SYNRG: variants seen among roughly 807,000 people sequenced by gnomAD.
SYNRG encodes the protein synergin gamma.
In SYNRG, 37 loss-of-function variants were observed where a neutral mutation model predicts 130.9. The ratio of observed to expected loss-of-function variants is 0.28; its 90% CI spans 0.22 to 0.37. The LOEUF is 0.37. SYNRG is among the 10% of genes least tolerant of loss of function. The pLI is 1.00. For missense variants in SYNRG, 1,338 were observed against 1,588.9 expected, an observed-to-expected ratio of 0.84 and a Z score of 2.68; for synonymous variants, 539 against 568.1, an observed-to-expected ratio of 0.95 and a Z score of 0.73.
chr17:37,566,402 A>G (rs2145853883), intron 11 of SYNRG, among the ~76,000 whole-genome samples: 1 of 146,832 alleles, frequency 6.8e-6, no homozygotes, highest in Middle Eastern at 3.5e-3. Context: ...AGGGCGGTGC[A>G]AGATGTGCTT....
At chr17:37,544,271 T>C (rs2058056430) in intron 14 of SYNRG, among the ~76,000 whole-genome samples, 1 of 141,888 alleles carries the variant, frequency 7.0e-6, no homozygotes, top group African/African-American at 2.5e-5. Context: ...ATGTGGTTTA[T>C]AAAACAGAAG....
chr17:37,539,288 GGAATC>G, intron 16 of SYNRG, 43 bp from the exon 17 acceptor site: 1 of 1,598,480 alleles, frequency 6.3e-7, no homozygotes, highest in South Asian at 1.1e-5. Context: ...ACACAAACCT[GGAATC>G]TTCTATTGAT....
chr17:37,569,678 G>A (rs1351261171), intron 10 of SYNRG, among the ~76,000 whole-genome samples: 15 of 134,328 alleles, frequency 1.1e-4, no homozygotes, highest in Non-Finnish European at 1.9e-4. Context: ...AACTAAAAAG[G>A]AAAGGTCAAA....
At chr17:37,540,822 A>C in intron 15 of SYNRG, 1 of 759,082 alleles carries the variant, frequency 1.3e-6, no homozygotes, top group African/African-American at 2.2e-5. Context: ...TTTAGTAGAT[A>C]CACGGTTTCA....
intron 19 of SYNRG, among the ~76,000 whole-genome samples, chr17:37,534,533 T>C: frequency 6.6e-6 from 1 of 152,080 alleles, no homozygotes. Context: ...GCTGCTTGAA[T>C]TTAGATTTTT....
At chr17:37,561,322 G>A in intron 12 of SYNRG, 65 bp from the exon 13 acceptor site, 3 of 1,561,158 alleles carry the variant, frequency 1.9e-6, no homozygotes, top group Middle Eastern at 3.4e-4. Context: ...TCCAGGAAGT[G>A]AGGCAGATTG....
At chr17:37,579,835 T>A (rs2061147753) in intron 6 of SYNRG, among the ~76,000 whole-genome samples, 1 of 151,860 alleles carries the variant, frequency 6.6e-6, no homozygotes. Context: ...CTCAGCCTCC[T>A]GAGTAGCTAG....
At chr17:37,560,527 T>C (rs1430959756) in intron 13 of SYNRG, among the ~76,000 whole-genome samples, 2 of 151,326 alleles carry the variant, frequency 1.3e-5, no homozygotes, top group Non-Finnish European at 3.0e-5. Flanking sequence ...TTAGTAGCGA[T>C]GGGGTCTTAC....
At chr17:37,520,677 G>A (rs754401242) in intron 19 of SYNRG, 29 bp from the exon 20 acceptor site, 7 of 1,592,538 alleles carry the variant, frequency 4.4e-6, no homozygotes, top group Middle Eastern at 1.7e-4. Flanking sequence ...AAATGGGTAA[G>A]AAGTCCACAA....
rs750538973 is a variant in SYNRG, at chr17:37,536,005, C to T, written c.3640G>A (p.Gly1214Ser). 1.1e-5 allele frequency: 18 copies of T among 1,613,792 alleles called. No homozygotes were observed. The highest frequency in any genetic ancestry group is 6.7e-5 in the East Asian group (3 of 44,896). ...DIDKVWNNLI[G>S]FMSLATLTPD... The stretch of plus-strand genomic sequence containing the variant: ...GTGAGTGTGGCGAGTGACATGAAGC[C>T]GATTAGGTTATTCCATACTTTATCG... Residue 1214 changes from glycine (G) to serine (S), a missense_variant, in exon 19 of 22, where the codon GGC becomes AGC. Physicochemically the swap from Gly to Ser is moderately conservative, Grantham distance 56. Transcript: ENST00000612223.
At chr17:37,541,115 C>A (rs2057718892) in intron 15 of SYNRG, 1 of 985,382 alleles carries the variant, frequency 1.0e-6, no homozygotes, top group African/African-American at 1.7e-5. Flanking sequence ...ATGCCCAGTG[C>A]AGAATCACTG....
intron 11 of SYNRG, among the ~76,000 whole-genome samples, chr17:37,564,958 G>A (rs2059813098): frequency 6.6e-6 from 1 of 152,116 alleles, no homozygotes; most frequent in Admixed American, 6.6e-5. Context: ...ATGAATTCTA[G>A]ATAAAACCAA....
intron 13 of SYNRG, 47 bp downstream of exon 13, chr17:37,561,148 T>A (rs2059500393): frequency 1.3e-6 from 2 of 1,532,440 alleles, no homozygotes; most frequent in Non-Finnish European, 1.8e-6. Flanking sequence ...ACCCCTTTTT[T>A]ATTAAAAATG....
At chr17:37,608,636 T>C (rs193013057) in intron 1 of SYNRG, among the ~76,000 whole-genome samples, 1 of 152,214 alleles carries the variant, frequency 6.6e-6, no homozygotes, top group African/African-American at 2.4e-5. Flanking sequence ...CAGTGCACTT[T>C]CTTTGTTTTT....
chr17:37,591,648 T>G (rs1313439614), intron 3 of SYNRG, among the ~76,000 whole-genome samples: 1 of 152,172 alleles, frequency 6.6e-6, no homozygotes, highest in Non-Finnish European at 1.5e-5. Context: ...GAAAGATCCA[T>G]ACAAGCATGC....
intron 6 of SYNRG, among the ~76,000 whole-genome samples, chr17:37,577,970 G>C (rs973530327): frequency 6.6e-6 from 1 of 151,226 alleles, no homozygotes; most frequent in Non-Finnish European, 1.5e-5. Context: ...AAAGTGCTGG[G>C]ATTACAGAAG....
chr17:37,541,164 T>A, intron 15 of SYNRG: 1 of 985,488 alleles, frequency 1.0e-6, no homozygotes, highest in Non-Finnish European at 1.2e-6. Context: ...AATATCAGTA[T>A]GTAAGAGTTG....
In SYNRG at chr17:37,609,400, G is replaced by A; in HGVS notation, c.-45C>T. On this transcript the variant is annotated 5_prime_UTR_variant, in exon 1 of 22. Coordinates refer to ENST00000612223, the MANE Select transcript of SYNRG (RefSeq NM_007247.6). ...TGCCTTCGCCGCCGCCACCTTATCA[G>A]CAGCTGTCAGCTGAACACAGCCACT... 7.2e-7 allele frequency: 1 copy of A among 1,381,844 alleles called. No individual in the cohort carries two copies. Among genetic ancestry groups the A allele is most frequent in the Non-Finnish European group, 9.3e-7 (1 of 1,071,786 alleles). The allele number at this position is 1,381,844 out of a possible 1,614,324, so 85.6% of individuals were successfully genotyped here.
At chr17:37,608,899 G>A (rs1332709519) in intron 1 of SYNRG, among the ~76,000 whole-genome samples, 1 of 152,148 alleles carries the variant, frequency 6.6e-6, no homozygotes, top group Non-Finnish European at 1.5e-5. Flanking sequence ...ATCCGGTTAA[G>A]TCTAGAAAGC....
Sources: gnomAD v4.1 joint callset for allele counts (sites outside exome capture counted in the v4.1 genomes callset) on GRCh38, gnomAD v4.1.1 for gene constraint, MANE v1.5 for transcripts, NCBI Gene and HGNC (gene_info 2026-07-23, HGNC 2026-07-21) for gene names.